BLNK: variants seen among roughly 807,000 people sequenced by gnomAD.
BLNK encodes the protein B cell linker.
In BLNK, 29 loss-of-function variants were observed where a neutral mutation model predicts 73.5. That is an observed-to-expected ratio of 0.39 (90% confidence interval 0.29 to 0.54). BLNK has a LOEUF of 0.54. Among genes scored for constraint, BLNK ranks in the 20% least tolerant of loss-of-function variants. BLNK has a pLI of 0.61. For missense variants in BLNK, 460 were observed against 562.8 expected, an observed-to-expected ratio of 0.82 and a Z score of 1.85; for synonymous variants, 176 against 200.8, an observed-to-expected ratio of 0.88 and a Z score of 1.04.
At chr10:96,195,925 A>G (rs1052472006) in intron 16 of BLNK, among the ~76,000 whole-genome samples, 3 of 152,212 alleles carry the variant, frequency 2.0e-5, no homozygotes, top group Non-Finnish European at 4.4e-5. Context: ...CTTAATAATT[A>G]TTTATCAAGT....
intron 1 of BLNK, among the ~76,000 whole-genome samples, chr10:96,255,626 G>A (rs1554910852): frequency 6.6e-6 from 1 of 152,106 alleles, no homozygotes; most frequent in African/African-American, 2.4e-5. Context: ...TAAACAAACA[G>A]AATAAATAAA....
chr10:96,204,259 A>C, intron 12 of BLNK, 171 bp from the exon 13 acceptor site: 2 of 789,194 alleles, frequency 2.5e-6, no homozygotes, highest in Non-Finnish European at 4.2e-6. Context: ...AAGATAAGTA[A>C]GACTCTTCCT....
intron 6 of BLNK, among the ~76,000 whole-genome samples, chr10:96,223,030 T>C (rs4917726): frequency 0.38 from 56,442 of 149,120 alleles, 11,045 homozygotes; most frequent in South Asian, 0.49. Context: ...AAACTGGTGA[T>C]GAGCAGTTTC....
chr10:96,235,897 G>A (rs1201401200), intron 3 of BLNK, among the ~76,000 whole-genome samples: 1 of 152,028 alleles, frequency 6.6e-6, no homozygotes, highest in Non-Finnish European at 1.5e-5. Flanking sequence ...CAAATCTGAT[G>A]TGCTGCCGGC....
At chr10:96,259,868 C>T (rs1156325823) in intron 1 of BLNK, among the ~76,000 whole-genome samples, 8 of 151,790 alleles carry the variant, frequency 5.3e-5, no homozygotes, top group African/African-American at 1.9e-4. Flanking sequence ...GTAGGACTTA[C>T]CCTATCAGAG....
intron 3 of BLNK, among the ~76,000 whole-genome samples, chr10:96,239,723 G>T (rs2134071449): frequency 6.6e-6 from 1 of 152,286 alleles, no homozygotes; most frequent in East Asian, 1.9e-4. Context: ...AGGCATCAAG[G>T]TTGATCCCAA....
intron 8 of BLNK, among the ~76,000 whole-genome samples, chr10:96,212,709 T>G (rs2083977081): frequency 6.6e-6 from 1 of 152,196 alleles, no homozygotes; most frequent in Admixed American, 6.5e-5. Flanking sequence ...GTGTGGTGCT[T>G]TGACAGAAAC....
At chr10:96,211,967 CA>C (rs2083958447) in intron 8 of BLNK, among the ~76,000 whole-genome samples, 1 of 152,208 alleles carries the variant, frequency 6.6e-6, no homozygotes, top group African/African-American at 2.4e-5. Flanking sequence ...AATTTCATCC[CA>C]GGGGTTTTCC....
chr10:96,229,065 A>C (rs940083997), intron 4 of BLNK, among the ~76,000 whole-genome samples: 10 of 152,118 alleles, frequency 6.6e-5, no homozygotes, highest in Admixed American at 2.6e-4. Context: ...TCAAGCATTC[A>C]TTTTTTGTGT....
chr10:96,215,752 C>T (rs934976111), intron 7 of BLNK: 19 of 195,122 alleles, frequency 9.7e-5, no homozygotes, highest in Non-Finnish European at 2.0e-4. Flanking sequence ...TATTGAACCC[C>T]TTACTGGAGG....
At position 96,271,389 on chromosome 10, in the gene BLNK, G is replaced by C; in HGVS notation, c.10C>G (p.Leu4Val). 6.2e-7 allele frequency: 1 copy of C among 1,614,146 alleles called. No individual in the cohort carries two copies. The highest frequency in any genetic ancestry group is 8.5e-7 in the Non-Finnish European group (1 of 1,180,012). MDK[L>V]NKITVPASQK... ...CTGGCGGGGACGGTTATTTTATTAA[G>C]CTTGTCCATTCTGTTTGGTAATTGT... Residue 4 changes from leucine (L) to valine (V), a missense_variant, in exon 1 of 17, where the codon CTT becomes GTT. Leu to Val is a conservative substitution (Grantham distance 32, BLOSUM62 1). Around this residue, in one of 3 missense-constraint regions of BLNK, gnomAD observed 139 missense variants for 187.3 expected, o/e 0.74. Coordinates refer to ENST00000224337, the MANE Select transcript of BLNK (RefSeq NM_013314.4).
At chr10:96,225,834 G>A (rs1842233556) in intron 5 of BLNK, among the ~76,000 whole-genome samples, 1 of 152,026 alleles carries the variant, frequency 6.6e-6, no homozygotes, top group South Asian at 2.1e-4. Flanking sequence ...TAATAGAGAC[G>A]GGGTTCTGCC....
intron 6 of BLNK, 39 bp downstream of exon 6, chr10:96,223,785 CCT>C (rs781995360): frequency 6.2e-7 from 1 of 1,610,810 alleles, no homozygotes. Flanking sequence ...GCCCCACCCC[CCT>C]CTGTGTCCTG....
At chr10:96,270,712 A>G (rs1209444210) in intron 1 of BLNK, among the ~76,000 whole-genome samples, 3 of 152,216 alleles carry the variant, frequency 2.0e-5, no homozygotes, top group African/African-American at 7.2e-5. Context: ...ACAATGAGAC[A>G]AAAAGAAGAC....
At chr10:96,236,872 C>CTGTA (rs1842709022) in intron 3 of BLNK, among the ~76,000 whole-genome samples, 1 of 151,902 alleles carries the variant, frequency 6.6e-6, no homozygotes, top group South Asian at 2.1e-4. Context: ...CTCCCTTTGT[C>CTGTA]TGTATGTCTA....
intron 1 of BLNK, among the ~76,000 whole-genome samples, chr10:96,250,335 C>T (rs984783475): frequency 4.0e-5 from 6 of 148,812 alleles, no homozygotes; most frequent in Non-Finnish European, 7.4e-5. Flanking sequence ...AGAGAATCTT[C>T]GAGATAGAGG....
intron 1 of BLNK, among the ~76,000 whole-genome samples, chr10:96,248,781 T>C (rs553392821): frequency 1.3e-5 from 2 of 152,308 alleles, no homozygotes; most frequent in African/African-American, 4.8e-5. Flanking sequence ...ATCCATGCAA[T>C]GGAATGCCAC....
At position 96,259,489 on chromosome 10, in the gene BLNK, G is replaced by A. The variant is rs1265872929; in HGVS notation, c.47+11863C>T. ...GGCTGAACAGAGCAGCTGGAAGGACGCCACCATAATCCATGCATCCTTTCT... is the reference window on the plus strand; with the variant it reads ...GGCTGAACAGAGCAGCTGGAAGGACACCACCATAATCCATGCATCCTTTCT... On this transcript the variant is annotated intron_variant, in intron 1 of 16. Coordinates refer to ENST00000224337, the MANE Select transcript of BLNK (RefSeq NM_013314.4). Among the ~76,000 whole-genome samples the A allele has an allele frequency of 1.1e-4, 16 of 152,152 alleles. No individual in the cohort carries two copies. In the East Asian group the frequency reaches 2.9e-3, roughly 28 times the overall value.
intron 1 of BLNK, among the ~76,000 whole-genome samples, chr10:96,254,121 A>C (rs1050614958): frequency 2.6e-5 from 4 of 152,176 alleles, no homozygotes; most frequent in African/African-American, 9.7e-5. Context: ...AAAGAGCAAA[A>C]GAGACGACTT....
Sources: gnomAD v4.1 joint callset for allele counts (sites outside exome capture counted in the v4.1 genomes callset) on GRCh38, gnomAD v4.1.1 for gene constraint, gnomAD v4.1.1 regional missense constraint, MANE v1.5 for transcripts, NCBI Gene and HGNC (gene_info 2026-07-23, HGNC 2026-07-21) for gene names.